Variants in GALNTL6 observed in about 807,000 individuals in gnomAD.
The protein encoded by GALNTL6 is polypeptide N-acetylgalactosaminyltransferase like 6, also known as polypeptide N-acetylgalactosaminyltransferase-like 6.
Under a neutral mutation model 73.7 loss-of-function variants are expected in GALNTL6, and 46 were observed. That is an observed-to-expected ratio of 0.62 (90% confidence interval 0.49 to 0.80). The LOEUF (loss-of-function observed/expected upper bound fraction) is 0.80. GALNTL6 is among the 30% of genes least tolerant of loss of function. The probability of loss-of-function intolerance (pLI) is 0.00; values close to 1 mark genes in which losing one functional copy is unlikely to be tolerated. For synonymous variants in GALNTL6, 259 were observed against 263.7 expected (o/e 0.98, Z 0.17); for missense variants, 604 against 755.0 (o/e 0.80, Z 2.34).
intron 5 of GALNTL6, among the ~76,000 whole-genome samples, chr4:172,413,176 C>T (rs1744508076): frequency 1.3e-5 from 2 of 152,174 alleles, no homozygotes. Context: ...GGGTTCATCA[C>T]ATGGGACTGG....
At chr4:172,250,658 TC>T (rs896884523) in intron 3 of GALNTL6, among the ~76,000 whole-genome samples, 87 of 152,282 alleles carry the variant, frequency 5.7e-4, no homozygotes, top group African/African-American at 1.9e-3. Context: ...TGCTTCCCCT[TC>T]CACCATGATT....
intron 9 of GALNTL6, among the ~76,000 whole-genome samples, chr4:172,931,823 G>A (rs1348864238): frequency 2.0e-5 from 3 of 152,068 alleles, no homozygotes. Flanking sequence ...ATATTGTTTT[G>A]AATAAAACCT....
chr4:172,617,985 G>C (rs1738808140), intron 5 of GALNTL6, among the ~76,000 whole-genome samples: 3 of 152,196 alleles, frequency 2.0e-5, no homozygotes, highest in Admixed American at 2.0e-4. Context: ...ACCCTGTCTT[G>C]CCTCTGTCCC....
chr4:172,459,667 G>T (rs1195993706), intron 5 of GALNTL6, among the ~76,000 whole-genome samples: 1 of 152,118 alleles, frequency 6.6e-6, no homozygotes, highest in Non-Finnish European at 1.5e-5. Flanking sequence ...GGATATGAAG[G>T]ACCTCTTCAG....
At chr4:171,957,345 A>G (rs1050341241) in intron 2 of GALNTL6, among the ~76,000 whole-genome samples, 1 of 152,216 alleles carries the variant, frequency 6.6e-6, no homozygotes, top group Admixed American at 6.5e-5. Flanking sequence ...ATAAAAGCAT[A>G]TATTTATAAT....
chr4:172,842,079 A>T (rs1743244003), intron 7 of GALNTL6, among the ~76,000 whole-genome samples: 1 of 152,210 alleles, frequency 6.6e-6, no homozygotes, highest in Admixed American at 6.5e-5. Flanking sequence ...CACAAGGATG[A>T]AGTGACTTAC....
intron 5 of GALNTL6, among the ~76,000 whole-genome samples, chr4:172,459,266 G>A (rs557028214): frequency 7.9e-5 from 12 of 152,104 alleles, no homozygotes; most frequent in Admixed American, 4.6e-4. Flanking sequence ...CATACTGAAC[G>A]GGCAAAAGCT....
At chr4:172,225,686 G>C in intron 2 of GALNTL6, among the ~76,000 whole-genome samples, 1 of 152,072 alleles carries the variant, frequency 6.6e-6, no homozygotes, top group Non-Finnish European at 1.5e-5. Context: ...AGCCCAGGAG[G>C]CAGAGGTTGC....
intron 2 of GALNTL6, among the ~76,000 whole-genome samples, chr4:172,170,801 A>C (rs1316157058): frequency 6.6e-6 from 1 of 152,134 alleles, no homozygotes; most frequent in African/African-American, 2.4e-5. Flanking sequence ...GGCATGAGAC[A>C]CCACGCCCTG....
chr4:172,485,436 C>T (rs541839603), intron 5 of GALNTL6, among the ~76,000 whole-genome samples: 3 of 151,858 alleles, frequency 2.0e-5, no homozygotes, highest in Admixed American at 6.6e-5. Context: ...TTTTATAAAA[C>T]GTCTGTTTTA....
chr4:172,935,416 G>A (rs1415920985), intron 9 of GALNTL6, among the ~76,000 whole-genome samples: 2 of 152,012 alleles, frequency 1.3e-5, no homozygotes, highest in Non-Finnish European at 2.9e-5. Flanking sequence ...GCAGAGACAA[G>A]AAATAACTAA....
chr4:171,987,221 G>A (rs4048515), intron 2 of GALNTL6, among the ~76,000 whole-genome samples: 1 of 151,904 alleles, frequency 6.6e-6, no homozygotes, highest in Admixed American at 6.6e-5. Context: ...GGCTGAGCTT[G>A]GTGAGGTGTG....
intron 2 of GALNTL6, among the ~76,000 whole-genome samples, chr4:172,050,210 G>T (rs896455545): frequency 1.3e-5 from 2 of 152,142 alleles, no homozygotes; most frequent in East Asian, 3.9e-4. Flanking sequence ...GTTTGCAGCA[G>T]GAGAAAGGAA....
At chr4:172,551,660 C>T (rs1312597682) in intron 5 of GALNTL6, among the ~76,000 whole-genome samples, 1 of 152,164 alleles carries the variant, frequency 6.6e-6, no homozygotes, top group East Asian at 1.9e-4. Context: ...GCAACAACCT[C>T]AGTCTGTAAC....
At chr4:171,863,409 A>C (rs1208011531) in intron 2 of GALNTL6, among the ~76,000 whole-genome samples, 2 of 152,184 alleles carry the variant, frequency 1.3e-5, no homozygotes. Flanking sequence ...AAAGAAATAG[A>C]ATTTCTGAAA....
intron 5 of GALNTL6, among the ~76,000 whole-genome samples, chr4:172,718,896 GAT>G (rs1735277354): frequency 6.6e-6 from 1 of 151,614 alleles, no homozygotes; most frequent in Non-Finnish European, 1.5e-5. Flanking sequence ...TTCTTTAAAA[GAT>G]AAATTTCTAC....
intron 2 of GALNTL6, among the ~76,000 whole-genome samples, chr4:171,933,856 A>G (rs2111001087): frequency 6.6e-6 from 1 of 152,290 alleles, no homozygotes; most frequent in Non-Finnish European, 1.5e-5. Flanking sequence ...AAGATTAGAC[A>G]GCATTTAGAA....
At chr4:172,236,009 G>C (rs1737228428) in intron 3 of GALNTL6, among the ~76,000 whole-genome samples, 2 of 152,098 alleles carry the variant, frequency 1.3e-5, no homozygotes, top group South Asian at 4.2e-4. Flanking sequence ...TGGCCGCATA[G>C]TATTCCATGG....
chr4:172,042,480 C>T (rs1057375221), intron 2 of GALNTL6, among the ~76,000 whole-genome samples: 8 of 151,904 alleles, frequency 5.3e-5, no homozygotes, highest in African/African-American at 1.4e-4. Flanking sequence ...TCTACTTAAA[C>T]GTTTTATAGC....
Sources: gnomAD v4.1 joint callset for allele counts (sites outside exome capture counted in the v4.1 genomes callset) on GRCh38, gnomAD v4.1.1 for gene constraint, MANE v1.5 for transcripts, NCBI Gene and HGNC (gene_info 2026-07-23, HGNC 2026-07-21) for gene names.